The following RNF157 variants were observed in gnomAD, a reference collection of about 807,000 sequenced individuals.
RNF157 encodes ring finger protein 157.
Under a neutral mutation model 88.3 loss-of-function variants are expected in RNF157, and 55 were observed. The observed-to-expected ratio is 0.62, with a 90% CI of 0.50 to 0.78. The LOEUF is 0.78. Ranked by LOEUF, RNF157 falls within the 30% of genes least tolerant of loss-of-function variation. RNF157 has a pLI of 0.00. For synonymous variants in RNF157, 334 were observed against 341.2 expected (o/e 0.98, Z 0.23); for missense variants, 788 against 860.8 (o/e 0.92, Z 1.06).
intron 2 of RNF157, chr17:76,202,902 A>G (rs1243403651): frequency 6.6e-6 from 1 of 151,932 alleles, no homozygotes; most frequent in African/African-American, 2.4e-5. Flanking sequence ...TTACTTCCTA[A>G]CTGGTCTTCT....
rs756027844 is a variant in RNF157, at chr17:76,164,798, G to A, written c.673-3C>T. ...ACACAGAAAGTTCCATCTGTGTGCT[G>A]GAATGAAAATATGAAAGTTATGACA... On this transcript the variant is annotated splice_region_variant and splice_polypyrimidine_tract_variant and intron_variant, in intron 7 of 18. Transcript: ENST00000269391. 8 of 1,609,250 alleles carry A rather than the reference G, an allele frequency of 5.0e-6. No individual in the cohort carries two copies. Among genetic ancestry groups the A allele is most frequent in the Middle Eastern group, 1.6e-4 (1 of 6,076 alleles).
At chr17:76,203,339 G>A (rs571959649) in intron 2 of RNF157, among the ~76,000 whole-genome samples, 1 of 152,248 alleles carries the variant, frequency 6.6e-6, no homozygotes, top group Non-Finnish European at 1.5e-5. Context: ...TTTTATAGAT[G>A]GGGAAATTGA....
At chr17:76,168,367 C>A (rs562451610) in intron 3 of RNF157, among the ~76,000 whole-genome samples, 9 of 152,084 alleles carry the variant, frequency 5.9e-5, no homozygotes, top group African/African-American at 1.7e-4. Flanking sequence ...TGTGATTACA[C>A]AAACTTATAA....
At chr17:76,192,536 C>T (rs912553942) in intron 2 of RNF157, among the ~76,000 whole-genome samples, 1 of 152,122 alleles carries the variant, frequency 6.6e-6, no homozygotes, top group African/African-American at 2.4e-5. Flanking sequence ...ACAAGATCTT[C>T]GGAAGAGTAC....
At chr17:76,219,004 G>A (rs2069937211) in intron 1 of RNF157, among the ~76,000 whole-genome samples, 1 of 151,732 alleles carries the variant, frequency 6.6e-6, no homozygotes, top group Non-Finnish European at 1.5e-5. Context: ...TAAAGAAGGG[G>A]GATGGATAGC....
chr17:76,205,905 T>C (rs2069674085), intron 2 of RNF157, among the ~76,000 whole-genome samples: 1 of 151,726 alleles, frequency 6.6e-6, no homozygotes, highest in Admixed American at 6.5e-5. Context: ...CCTTATAAAA[T>C]GAGAGGAGCG....
chr17:76,168,818 C>T (rs1278906207), intron 3 of RNF157, among the ~76,000 whole-genome samples: 1 of 152,220 alleles, frequency 6.6e-6, no homozygotes, highest in Non-Finnish European at 1.5e-5. Flanking sequence ...TATTATTCAA[C>T]ATTCACACTT....
intron 1 of RNF157, among the ~76,000 whole-genome samples, chr17:76,238,407 T>TA (rs1324455115): frequency 1.7e-5 from 2 of 118,820 alleles, no homozygotes; most frequent in African/African-American, 6.6e-5. Flanking sequence ...GTTTTACAGT[T>TA]AAACTTTTAA....
chr17:76,196,421 A>G (rs1161493059), intron 2 of RNF157, among the ~76,000 whole-genome samples: 1 of 152,216 alleles, frequency 6.6e-6, no homozygotes, highest in Non-Finnish European at 1.5e-5. Flanking sequence ...CTACTTCTTC[A>G]TCTGAATGCT....
chr17:76,203,493 C>T (rs2069622783), intron 2 of RNF157, among the ~76,000 whole-genome samples: 2 of 150,492 alleles, frequency 1.3e-5, no homozygotes, highest in African/African-American at 4.9e-5. Flanking sequence ...GCTCTTGTCA[C>T]CCAGGCTGGA....
chr17:76,164,677 G>T, intron 8 of RNF157, 71 bp downstream of exon 8: 1 of 858,562 alleles, frequency 1.2e-6, no homozygotes, highest in Non-Finnish European at 1.8e-6. Flanking sequence ...GAGGGAGAGA[G>T]AAGAAGAAAG....
At chr17:76,221,688 T>C (rs928060491) in intron 1 of RNF157, among the ~76,000 whole-genome samples, 10 of 152,154 alleles carry the variant, frequency 6.6e-5, no homozygotes, top group African/African-American at 2.4e-4. Context: ...TACAAGGAAA[T>C]AATAGATGTT....
intron 1 of RNF157, among the ~76,000 whole-genome samples, chr17:76,217,640 T>C (rs2069911487): frequency 6.6e-6 from 1 of 152,142 alleles, no homozygotes; most frequent in Non-Finnish European, 1.5e-5. Flanking sequence ...TCAAAATCAG[T>C]GGTGGGGGAA....
At chr17:76,158,591 T>C (rs915888348) in intron 12 of RNF157, 90 bp from the exon 13 acceptor site, 1 of 885,444 alleles carries the variant, frequency 1.1e-6, no homozygotes, top group Non-Finnish European at 1.9e-6. Context: ...AAAACCCAAA[T>C]ATTTTTTGCT....
chr17:76,172,668 A>C (rs2144877095), intron 3 of RNF157, among the ~76,000 whole-genome samples: 1 of 150,496 alleles, frequency 6.6e-6, no homozygotes, highest in African/African-American at 2.4e-5. Flanking sequence ...ATATATATAT[A>C]TCAGACAGAA....
In RNF157 at chr17:76,166,556, A is replaced by G. The variant is rs775967205; in HGVS notation, c.562-29T>C. On this transcript the variant is annotated intron_variant, in intron 5 of 18. Transcript: ENST00000269391. ...AAGGGAAAGAAAAGGAAAGGAAAAA[A>G]AAAGAGGACTTAACACATTTACATG... The G allele has an allele frequency of 7.5e-6, 12 of 1,590,182 alleles. No homozygotes were observed. The East Asian group carries it at 1.1e-4, about 15-fold the overall frequency.
rs112167191 is a variant in RNF157 at position 76,184,160 on chromosome 17, C to T, written c.208-10370G>A. 6.1e-3 allele frequency among the ~76,000 whole-genome samples: 898 copies of T among 148,002 alleles called. 10 individuals carry two copies. Among genetic ancestry groups the T allele is most frequent in the African/African-American group, 0.021 (844 of 39,862 alleles). Reference sequence around the variant, plus strand: ...GAGCCAAGATAGTGCCACTGTACTCCAGCCTGGGCGACAGAGCAAGACTCC... The same window carrying T: ...GAGCCAAGATAGTGCCACTGTACTCTAGCCTGGGCGACAGAGCAAGACTCC... On this transcript the variant is annotated intron_variant, in intron 2 of 18. Coordinates refer to ENST00000269391, the MANE Select transcript of RNF157 (RefSeq NM_052916.3).
chr17:76,167,496 C>T (rs978747200), intron 4 of RNF157, among the ~76,000 whole-genome samples, 155 bp downstream of exon 4: 2 of 152,184 alleles, frequency 1.3e-5, no homozygotes, highest in African/African-American at 4.8e-5. Flanking sequence ...ATGTTTTCCG[C>T]CCTTGCTGAG....
At position 76,156,314 on chromosome 17, in the gene RNF157, C is replaced by T. The variant is rs149025811; in HGVS notation, c.1421G>A (p.Gly474Asp). The T allele has an allele frequency of 1.4e-5, 22 of 1,613,950 alleles. No individual in the cohort carries two copies. Among genetic ancestry groups the T allele is most frequent in the Middle Eastern group, 1.6e-4 (1 of 6,082 alleles). The change falls in exon 14 of 19, where the codon GGT (glycine) becomes GAT (aspartate). Residue 474 changes from glycine (G) to aspartate (D), a missense_variant. Coordinates refer to ENST00000269391, the MANE Select transcript of RNF157 (RefSeq NM_052916.3). ...PSVQHLGEEC[G>D]VTPESENLTL... ...GAGATTCTCACTTTCTGGAGTCACA[C>T]CACATTCCTGGGGGTTGTGGGGGGA...
Sources: gnomAD v4.1 joint callset for allele counts (sites outside exome capture counted in the v4.1 genomes callset) on GRCh38, gnomAD v4.1.1 for gene constraint, MANE v1.5 for transcripts, NCBI Gene and HGNC (gene_info 2026-07-23, HGNC 2026-07-21) for gene names.